Variants in COL8A1 observed in about 807,000 individuals in gnomAD.
COL8A1 encodes the protein collagen type VIII alpha 1 chain.
A neutral mutation model predicts 42.7 loss-of-function variants in COL8A1; 21 were observed. The observed-to-expected ratio is 0.49, with a 90% CI of 0.35 to 0.71. The LOEUF (loss-of-function observed/expected upper bound fraction) is 0.71, where lower values mean the gene tolerates loss of function less well. Ranked by LOEUF, COL8A1 falls within the 30% of genes least tolerant of loss-of-function variation. The pLI is 0.01. For synonymous variants in COL8A1, 367 were observed against 369.1 expected (o/e 0.99, Z 0.06); for missense variants, 788 against 962.4 (o/e 0.82, Z 2.40).
At chr3:99,708,211 A>G (rs911076122) in intron 1 of COL8A1, among the ~76,000 whole-genome samples, 2 of 152,168 alleles carry the variant, frequency 1.3e-5, no homozygotes, top group Non-Finnish European at 2.9e-5. Flanking sequence ...ATCCTCAACC[A>G]CTTCTCAAAG....
At chr3:99,763,808 T>TC (rs1190306383) in intron 2 of COL8A1, among the ~76,000 whole-genome samples, 1 of 152,122 alleles carries the variant, frequency 6.6e-6, no homozygotes, top group Non-Finnish European at 1.5e-5. Flanking sequence ...CTGCCGTGAT[T>TC]CCCCAAGTAA....
At chr3:99,751,447 A>C (rs1298200369) in intron 2 of COL8A1, among the ~76,000 whole-genome samples, 2 of 152,132 alleles carry the variant, frequency 1.3e-5, no homozygotes, top group Non-Finnish European at 2.9e-5. Flanking sequence ...AATCCCAGCT[A>C]CTTGGGAGGC....
chr3:99,741,602 CAT>C (rs533959823), intron 1 of COL8A1, among the ~76,000 whole-genome samples: 245 of 152,316 alleles, frequency 1.6e-3, no homozygotes, highest in African/African-American at 5.5e-3. Context: ...GTTTTACTCA[CAT>C]GTTTAGTACC....
chr3:99,710,963 G>A (rs1294243765), intron 1 of COL8A1, among the ~76,000 whole-genome samples: 1 of 152,124 alleles, frequency 6.6e-6, no homozygotes, highest in Admixed American at 6.6e-5. Flanking sequence ...CCACTCCAGG[G>A]CCTTACCCAA....
At chr3:99,662,228 A>C (rs888748456) in intron 1 of COL8A1, among the ~76,000 whole-genome samples, 1 of 152,112 alleles carries the variant, frequency 6.6e-6, no homozygotes, top group African/African-American at 2.4e-5. Context: ...AAATTATTTT[A>C]AAAATTAGCC....
intron 1 of COL8A1, among the ~76,000 whole-genome samples, chr3:99,659,816 G>T (rs760352351): frequency 1.3e-5 from 2 of 151,986 alleles, no homozygotes; most frequent in Admixed American, 1.3e-4. Context: ...TATAGCTTAC[G>T]GTTATCCTTT....
chr3:99,666,782 T>A (rs141114155), intron 1 of COL8A1, among the ~76,000 whole-genome samples: 3 of 152,202 alleles, frequency 2.0e-5, no homozygotes, highest in Non-Finnish European at 2.9e-5. Flanking sequence ...AGGAACTAAG[T>A]AGAAAAATAT....
chr3:99,790,941 C>A lies in COL8A1; in HGVS notation c.259C>A (p.Pro87Thr), dbSNP rs1002805674. Residue 87 changes from proline to threonine, a missense_variant, in exon 3 of 4, where the codon CCC becomes ACC. Pro to Thr is a conservative substitution (Grantham distance 38). This residue lies in a region of COL8A1 where 421 missense variants were observed against 553.1 expected (regional missense o/e 0.76). Transcript: ENST00000652472. ...LQYGKEYPHLPQYMKEIQPAP... is the reference protein window; with the variant it reads ...LQYGKEYPHLTQYMKEIQPAP... ...GTATGGCAAAGAGTATCCACACCTA[C>A]CCCAATATATGAAGGAAATTCAACC... 3 of 1,614,080 alleles carry A rather than the reference C, an allele frequency of 1.9e-6. No individual in the cohort carries two copies. The African/African-American group carries it at 4.0e-5, about 22-fold the overall frequency.
In COL8A1 at chr3:99,796,231, CACTT is replaced by C. The variant is rs1167885352; in HGVS notation, c.*98_*101del. On this transcript the variant is annotated 3_prime_UTR_variant, in exon 4 of 4. Coordinates refer to ENST00000652472, the MANE Select transcript of COL8A1 (RefSeq NM_020351.4). ...AATGAAAAACATAATTGCTTCAAAA[CACTT>C]ACACAGTTGGAAAGTTATATGTAAG... 28 of 1,048,160 alleles carry C rather than the reference CACTT, an allele frequency of 2.7e-5. No individual in the cohort carries two copies. The highest frequency in any genetic ancestry group is 3.2e-5 in the African/African-American group (2 of 62,582). The allele number at this position is 1,048,160 out of a possible 1,614,324, so 64.9% of individuals were successfully genotyped here.
At chr3:99,647,873 T>C (rs996945739) in intron 1 of COL8A1, among the ~76,000 whole-genome samples, 1 of 152,174 alleles carries the variant, frequency 6.6e-6, no homozygotes, top group African/African-American at 2.4e-5. Flanking sequence ...TCCCACTCCA[T>C]ACAATTTACT....
intron 2 of COL8A1, among the ~76,000 whole-genome samples, chr3:99,767,796 A>C (rs1305210552): frequency 6.6e-6 from 1 of 152,242 alleles, no homozygotes; most frequent in Non-Finnish European, 1.5e-5. Context: ...AAGACAAAGC[A>C]AATGCCCCAA....
At chr3:99,659,827 A>C (rs1264826229) in intron 1 of COL8A1, among the ~76,000 whole-genome samples, 1 of 152,042 alleles carries the variant, frequency 6.6e-6, no homozygotes, top group Non-Finnish European at 1.5e-5. Context: ...GTTATCCTTT[A>C]CCTTCCTCCC....
intron 1 of COL8A1, among the ~76,000 whole-genome samples, chr3:99,670,014 T>C (rs895932887): frequency 1.3e-5 from 2 of 152,016 alleles, no homozygotes; most frequent in Non-Finnish European, 2.9e-5. Flanking sequence ...AAACAGGCAA[T>C]ACATCACCTC....
At chr3:99,788,146 A>G (rs1941932950) in intron 2 of COL8A1, among the ~76,000 whole-genome samples, 1 of 152,170 alleles carries the variant, frequency 6.6e-6, no homozygotes, top group South Asian at 2.1e-4. Flanking sequence ...ACAGGAGAAA[A>G]ATTAGTAGGA....
Position 99,798,542 on chromosome 3 carries a change from A to G in COL8A1, c.*2406A>G, listed in dbSNP as rs1262077647. ...AAGAGAGAAATTATCTTTTTAGTTA[A>G]AACCAAATTTCACTTTTCAAAATAT... On this transcript the variant is annotated 3_prime_UTR_variant, in exon 4 of 4. Coordinates refer to ENST00000652472, the MANE Select transcript of COL8A1 (RefSeq NM_020351.4). 2.0e-5 allele frequency: 3 copies of G among 152,164 alleles called. No individual in the cohort carries two copies. Among genetic ancestry groups the G allele is most frequent in the African/African-American group, 7.2e-5 (3 of 41,456 alleles). 9.4% of individuals were successfully genotyped at this position (152,164 alleles called of 1,614,324 possible).
intron 2 of COL8A1, among the ~76,000 whole-genome samples, chr3:99,760,739 G>A (rs2107424901): frequency 6.6e-6 from 1 of 152,246 alleles, no homozygotes; most frequent in Middle Eastern, 3.4e-3. Flanking sequence ...GAAGCAACAG[G>A]AGAAATTCTA....
At chr3:99,696,975 AATTTT>A (rs1457464047) in intron 1 of COL8A1, among the ~76,000 whole-genome samples, 1 of 133,894 alleles carries the variant, frequency 7.5e-6, no homozygotes, top group African/African-American at 2.7e-5. Flanking sequence ...AATATACACA[AATTTT>A]TTTTTTTTTT....
chr3:99,794,519 C>T lies in COL8A1; in HGVS notation c.618C>T (p.Gly206=), dbSNP rs1368367325. 6.2e-7 allele frequency: 1 copy of T among 1,613,984 alleles called. No individual in the cohort carries two copies. The highest frequency in any genetic ancestry group is 1.1e-5 in the South Asian group (1 of 91,064). Residue 206 remains glycine, a synonymous_variant, in exon 4 of 4, where the codon GGC becomes GGT. Transcript: ENST00000652472. The surrounding 1 kb of genome is among the most constrained non-coding windows in gnomAD (Gnocchi z 4.3). The part of the protein sequence containing the change: ...QGPPGPHGLP[G]IGKPGGPGLP... ...CTCCAGGGCCTCATGGACTTCCTGG[C>T]ATTGGGAAGCCAGGTGGGCCAGGGT... is the stretch of plus-strand genomic sequence containing the variant.
chr3:99,763,769 C>A (rs1175377350), intron 2 of COL8A1, among the ~76,000 whole-genome samples: 1 of 152,170 alleles, frequency 6.6e-6, no homozygotes, highest in Non-Finnish European at 1.5e-5. Flanking sequence ...CAAGGACTAG[C>A]CAGCTCAGCC....
Sources: allele counts gnomAD v4.1 joint callset (sites outside exome capture counted in the v4.1 genomes callset), GRCh38; gene constraint gnomAD v4.1.1; regional missense constraint gnomAD v4.1.1; non-coding constraint Gnocchi (gnomAD v3.1); transcripts MANE v1.5; gene names NCBI Gene and HGNC (gene_info 2026-07-23, HGNC 2026-07-21).